Variants in RPIA observed in about 807,000 individuals in gnomAD.
RPIA encodes ribose-5-phosphate isomerase.
RPIA carries 29 observed loss-of-function variants against 37.8 expected under a neutral mutation model. That is an observed-to-expected ratio of 0.77 (90% CI 0.57 to 1.05). RPIA has a LOEUF of 1.05. Among genes scored for constraint, RPIA ranks in the 50% least tolerant of loss-of-function variants. The probability of loss-of-function intolerance (pLI) is 0.00; values close to 1 mark genes in which losing one functional copy is unlikely to be tolerated. For missense variants in RPIA, 385 were observed against 413.6 expected, an observed-to-expected ratio of 0.93 and a Z score of 0.60; for synonymous variants, 167 against 157.0, an observed-to-expected ratio of 1.06 and a Z score of -0.48.
chr2:88,724,074 G>C (rs781701698), intron 3 of RPIA, among the ~76,000 whole-genome samples: 1 of 152,178 alleles, frequency 6.6e-6, no homozygotes, highest in Non-Finnish European at 1.5e-5. Context: ...GCCCTAAGCA[G>C]TTCCCACCTT....
Position 88,700,053 on chromosome 2 carries a change from A to G in RPIA, c.391A>G (p.Thr131Ala), listed in dbSNP as rs1672809637. The stretch of plus-strand genomic sequence containing the variant: ...GAATCTGAACCTCGTCTGTATTCCC[A>G]CTTCCTTCCAGGTATGTCCTGCTTT... The part of the protein sequence containing the change: ...QENLNLVCIP[T>A]SFQARQLILQ... Residue 131 changes from threonine to alanine, a missense_variant, in exon 3 of 9, where the codon ACT becomes GCT. By Grantham distance (58) the Thr-to-Ala change is moderately conservative. Transcript: ENST00000283646. The G allele has an allele frequency of 1.2e-6, 2 of 1,614,152 alleles. No homozygotes were observed. Among genetic ancestry groups the G allele is most frequent in the Non-Finnish European group, 1.7e-6 (2 of 1,180,000 alleles).
In RPIA at chr2:88,710,745, T is replaced by C. The variant is rs140866174; in HGVS notation, c.402+10681T>C. Among the ~76,000 whole-genome samples, 405 of 152,330 alleles carry C rather than the reference T, an allele frequency of 2.7e-3. 2 individuals are homozygous for C. Among genetic ancestry groups the C allele is most frequent in the African/African-American group, 9.2e-3 (382 of 41,566 alleles). ...CTGGTGTCTTGGAAGATGGTAACTC[T>C]CCTTCAATAGCTTCAACTTCAGATG... is the stretch of plus-strand genomic sequence containing the variant. On this transcript the variant is annotated intron_variant, in intron 3 of 8. Transcript: ENST00000283646.
At chr2:88,706,146 C>T (rs575140041) in intron 3 of RPIA, among the ~76,000 whole-genome samples, 73 of 152,066 alleles carry the variant, frequency 4.8e-4, no homozygotes, top group Non-Finnish European at 9.9e-4. Context: ...GATGGTGCGG[C>T]GATTTCTCAA....
In RPIA at chr2:88,691,798, T is replaced by A; in HGVS notation, c.100T>A (p.Trp34Arg). ...GAASGGGGNS[W>R]DLPGSHVRLP... ...GGCCTCCGGCGGAGGAGGGAACAGC[T>A]GGGACCTCCCGGGTTCCCACGTGCG... Residue 34 changes from tryptophan to arginine, a missense_variant, in exon 1 of 9, where the codon TGG becomes AGG. Coordinates refer to ENST00000283646, the MANE Select transcript of RPIA (RefSeq NM_144563.3). 1.3e-6 allele frequency: 2 copies of A among 1,595,084 alleles called. No individual in the cohort carries two copies. The highest frequency in any genetic ancestry group is 1.7e-5 in the Admixed American group (1 of 57,152).
At chr2:88,698,249 A>G (rs896962485) in intron 1 of RPIA, among the ~76,000 whole-genome samples, 1 of 152,080 alleles carries the variant, frequency 6.6e-6, no homozygotes, top group African/African-American at 2.4e-5. Flanking sequence ...TGGTGTTGAC[A>G]GTGTCAGAAA....
At chr2:88,693,940 G>C (rs746123058) in intron 1 of RPIA, among the ~76,000 whole-genome samples, 1 of 152,234 alleles carries the variant, frequency 6.6e-6, no homozygotes, top group Non-Finnish European at 1.5e-5. Context: ...CTGAATGTCT[G>C]TAGCCTCATC....
In RPIA at chr2:88,713,761, T is replaced by C. The variant is rs567735672; in HGVS notation, c.402+13697T>C. Among the ~76,000 whole-genome samples the C allele has an allele frequency of 5.9e-5, 9 of 152,310 alleles. No individual in the cohort carries two copies. In the East Asian group the frequency reaches 1.7e-3, roughly 29 times the overall value. Reference sequence around the variant, plus strand: ...ACTTTGGTGCTTGTGGACAGTCTTATTTTGTCCCTTTGCTTCATTTTTAGC... The same window carrying C: ...ACTTTGGTGCTTGTGGACAGTCTTACTTTGTCCCTTTGCTTCATTTTTAGC... On this transcript the variant is annotated intron_variant, in intron 3 of 8. Transcript: ENST00000283646.
intron 1 of RPIA, among the ~76,000 whole-genome samples, chr2:88,698,148 T>C (rs1672781254): frequency 6.6e-6 from 1 of 151,912 alleles, no homozygotes; most frequent in Non-Finnish European, 1.5e-5. Flanking sequence ...TAAGTGTTTA[T>C]ATGCAGGCCA....
intron 3 of RPIA, among the ~76,000 whole-genome samples, chr2:88,717,441 G>A (rs1223963683): frequency 6.6e-6 from 1 of 152,188 alleles, no homozygotes; most frequent in African/African-American, 2.4e-5. Flanking sequence ...TCGAAGCAAA[G>A]GCGGGAAGAC....
In RPIA at chr2:88,735,649, C is replaced by G; in HGVS notation, c.528-20C>G. On this transcript the variant is annotated intron_variant, in intron 5 of 8. Transcript: ENST00000283646. The stretch of plus-strand genomic sequence containing the variant: ...GAGATTTTTGTCTTACTCCTGTGTT[C>G]CTTTGCTTCTTTCCTGCAGAGGCTG... The G allele has an allele frequency of 1.2e-6, 2 of 1,613,290 alleles. No individual in the cohort carries two copies. The highest frequency in any genetic ancestry group is 1.7e-6 in the Non-Finnish European group (2 of 1,179,304).
intron 3 of RPIA, among the ~76,000 whole-genome samples, chr2:88,713,699 G>C (rs1465902734): frequency 3.3e-5 from 5 of 152,130 alleles, no homozygotes; most frequent in African/African-American, 1.2e-4. Flanking sequence ...TCTTCCCTCT[G>C]TTTTTTCTGG....
chr2:88,700,541 A>G (rs1670743819), intron 3 of RPIA, among the ~76,000 whole-genome samples: 1 of 152,162 alleles, frequency 6.6e-6, no homozygotes, highest in African/African-American at 2.4e-5. Flanking sequence ...AGTTCCAACT[A>G]TGTAGGAGGC....
intron 8 of RPIA, among the ~76,000 whole-genome samples, chr2:88,747,950 G>C (rs999579886): frequency 6.6e-6 from 1 of 152,214 alleles, no homozygotes; most frequent in African/African-American, 2.4e-5. Flanking sequence ...ACACTGTTCT[G>C]TCTGTCCAAG....
intron 3 of RPIA, among the ~76,000 whole-genome samples, chr2:88,702,225 G>C (rs953698751): frequency 1.3e-5 from 2 of 152,174 alleles, no homozygotes; most frequent in African/African-American, 4.8e-5. Context: ...TGTTAACCCA[G>C]TATTGTACCA....
chr2:88,734,229 G>T (rs758096385), intron 4 of RPIA, among the ~76,000 whole-genome samples: 84 of 152,016 alleles, frequency 5.5e-4, no homozygotes, highest in Non-Finnish European at 9.9e-4. Context: ...TTGCCTCTTG[G>T]GGGAGGTGAT....
chr2:88,693,926 T>G lies in RPIA; in HGVS notation c.285+1943T>G, dbSNP rs1395865056. ...GATGGGTCGACATGCAGAACTAGGC[T>G]CTTCTGAATGTCTGTAGCCTCATCC... On this transcript the variant is annotated intron_variant, in intron 1 of 8. Coordinates refer to ENST00000283646, the MANE Select transcript of RPIA (RefSeq NM_144563.3). Among the ~76,000 whole-genome samples the G allele has an allele frequency of 2.0e-5, 3 of 152,234 alleles. No individual in the cohort carries two copies. The East Asian group carries it at 5.8e-4, about 29-fold the overall frequency.
At chr2:88,745,123 A>T (rs1474204495) in intron 8 of RPIA, among the ~76,000 whole-genome samples, 1 of 151,978 alleles carries the variant, frequency 6.6e-6, no homozygotes, top group African/African-American at 2.4e-5. Flanking sequence ...ATGACTGGCT[A>T]ATTTTTTTGT....
intron 3 of RPIA, among the ~76,000 whole-genome samples, chr2:88,706,552 T>TG (rs1280250862): frequency 1.4e-4 from 8 of 58,518 alleles, no homozygotes; most frequent in African/African-American, 5.6e-4. Context: ...GGGGCCTGTC[T>TG]GGGGGGTGTG....
intron 1 of RPIA, among the ~76,000 whole-genome samples, chr2:88,696,533 CAT>C (rs1672750188): frequency 6.6e-6 from 1 of 151,376 alleles, no homozygotes. Context: ...ATATTATAAA[CAT>C]ATATACAAGA....
Sources: allele counts gnomAD v4.1 joint callset (sites outside exome capture counted in the v4.1 genomes callset), GRCh38; gene constraint gnomAD v4.1.1; transcripts MANE v1.5; gene names NCBI Gene and HGNC (gene_info 2026-07-23, HGNC 2026-07-21).